Variants in NLRP6 observed in about 807,000 individuals in gnomAD.
NLRP6 encodes NACHT, LRR and PYD domains-containing protein 6.
NLRP6 carries 55 observed loss-of-function variants against 70.9 expected under a neutral mutation model. That is an observed-to-expected ratio of 0.78 (90% CI 0.62 to 0.97). The LOEUF is 0.97. Ranked by LOEUF, NLRP6 falls within the 50% of genes least tolerant of loss-of-function variation. NLRP6 has a pLI of 0.00. For synonymous variants in NLRP6, 652 were observed against 581.9 expected (o/e 1.12, Z -1.73); for missense variants, 1,241 against 1,238.3 (o/e 1.00, Z -0.03).
At position 281,470 on chromosome 11, in the gene NLRP6, T is replaced by A. The variant is rs773812962; in HGVS notation, c.1736T>A (p.Val579Glu). ...GTGAAGCAGGAGGCCCTGCGGTGGG[T>A]GCAGGGACAGGGACAGGGCTGCCCC... ...ERVKQEALRW[V>E]QGQGQGCPGV... The change falls in exon 4 of 8, where the codon GTG (valine) becomes GAG (glutamate). Residue 579 changes from valine to glutamate, a missense_variant. Physicochemically the swap from Val to Glu is moderately radical, Grantham distance 121. Coordinates refer to ENST00000534750, the MANE Select transcript of NLRP6 (RefSeq NM_001276700.2). The A allele has an allele frequency of 6.3e-6, 10 of 1,598,250 alleles. No individual in the cohort carries two copies. The highest frequency in any genetic ancestry group is 8.5e-6 in the Non-Finnish European group (10 of 1,171,110).
At chr11:284,981 C>T (rs960898669) in intron 7 of NLRP6, among the ~76,000 whole-genome samples, 185 bp from the exon 8 acceptor site, 3 of 152,136 alleles carry the variant, frequency 2.0e-5, no homozygotes, top group East Asian at 3.9e-4. Context: ...TCTCAACTGA[C>T]ACCACCTGTC....
chr11:283,743 C>G (rs145927304), intron 5 of NLRP6, among the ~76,000 whole-genome samples: 1 of 151,930 alleles, frequency 6.6e-6, no homozygotes, highest in African/African-American at 2.4e-5. Context: ...GATGGCAACT[C>G]GGCAAATTAG....
rs749694607 is a variant in NLRP6, at chr11:280,924, T to A, written c.1190T>A (p.Val397Glu). 9.9e-6 allele frequency: 16 copies of A among 1,613,280 alleles called. No individual in the cohort carries two copies. The Middle Eastern group carries it at 1.6e-3, about 166-fold the overall frequency. Residue 397 changes from valine (V) to glutamate (E), a missense_variant, in exon 4 of 8, where the codon GTG becomes GAG. By Grantham distance (121) the Val-to-Glu change is moderately radical (BLOSUM62 -2). Transcript: ENST00000534750. Reference protein sequence around the residue: ...VPFVCWIVCTVLRQQLELGRD... With the variant: ...VPFVCWIVCTELRQQLELGRD... ...TTCGTGTGCTGGATCGTGTGCACCG[T>A]GCTGCGCCAGCAGCTGGAGCTCGGT...
At chr11:279,910 C>T (rs764184179) in intron 3 of NLRP6, 38 bp downstream of exon 3, 4 of 1,490,768 alleles carry the variant, frequency 2.7e-6, no homozygotes, top group Non-Finnish European at 2.7e-6. Context: ...TGTCCCCAAC[C>T]CCACTTGGAG....
chr11:285,120 C>T (rs1222967770), intron 7 of NLRP6, 46 bp from the exon 8 acceptor site: 1 of 1,550,492 alleles, frequency 6.4e-7, no homozygotes, highest in Non-Finnish European at 8.7e-7. Context: ...GCCCTGGCTG[C>T]TTTCCCCCAC....
At position 282,734 on chromosome 11, in the gene NLRP6, C is replaced by T. The variant is rs966612159; in HGVS notation, c.2135C>T (p.Ala712Val). 1.7e-5 allele frequency: 27 copies of T among 1,614,130 alleles called. No individual in the cohort carries two copies. The highest frequency in any genetic ancestry group is 3.3e-4 in the Middle Eastern group (2 of 6,062). ...SSQGTTKQLP[A>V]SLLHPLFQAM... is the part of the protein sequence containing the mutation. Reference sequence around the variant, plus strand: ...CAAGGCACCACAAAACAACTGCCAGCCTCCCTTCTTCATCCACTCTTTCAG... The same window carrying T: ...CAAGGCACCACAAAACAACTGCCAGTCTCCCTTCTTCATCCACTCTTTCAG... Residue 712 changes from alanine to valine, a missense_variant, in exon 5 of 8, where the codon GCC becomes GTC. Transcript: ENST00000534750.
chr11:283,512 A>G (rs1230565882), intron 5 of NLRP6, among the ~76,000 whole-genome samples: 1 of 151,640 alleles, frequency 6.6e-6, no homozygotes, highest in Non-Finnish European at 1.5e-5. Flanking sequence ...ACAGGGTTTC[A>G]CCGGGTTAGC....
At position 281,593 on chromosome 11, in the gene NLRP6, A is replaced by T. The variant is rs1379296182; in HGVS notation, c.1859A>T (p.Glu620Val). The T allele has an allele frequency of 6.2e-7, 1 of 1,611,512 alleles. No individual in the cohort carries two copies. The highest frequency in any genetic ancestry group is 1.7e-5 in the Admixed American group (1 of 59,908). ...EEGEEPNYPL[E>V]LLYCLYETQE... ...GGAGAGGAGCCCAACTACCCACTGG[A>T]GTTGCTGTACTGCCTGTACGAGACG... Residue 620 changes from glutamate to valine, a missense_variant, in exon 4 of 8, where the codon GAG becomes GTG. By Grantham distance (121) the Glu-to-Val change is moderately radical. Coordinates refer to ENST00000534750, the MANE Select transcript of NLRP6 (RefSeq NM_001276700.2).
At position 284,477 on chromosome 11, in the gene NLRP6, T is replaced by C. The variant is rs74044411; in HGVS notation, c.2372T>C (p.Val791Ala). 0.011 allele frequency: 18,076 copies of C among 1,612,508 alleles called. 1,621 individuals carry two copies. The African/African-American group carries it at 0.2, about 18-fold the overall frequency. The change falls in exon 7 of 8, where the codon GTA becomes GCA. Residue 791 changes from valine (V) to alanine (A), a missense_variant and splice_region_variant. Physicochemically the swap from Val to Ala is moderately conservative, Grantham distance 64. Coordinates refer to ENST00000534750, the MANE Select transcript of NLRP6 (RefSeq NM_001276700.2). ...WPQCRVQTVRVQLPDPQRGLQ... is the reference protein window; with the variant it reads ...WPQCRVQTVRAQLPDPQRGLQ... Reference sequence around the variant, plus strand: ...TCCTGAGGTCGGCCCTCCCACAGGGTACAGCTGCCTGACCCCCAGCGAGGG... The same window carrying C: ...TCCTGAGGTCGGCCCTCCCACAGGGCACAGCTGCCTGACCCCCAGCGAGGG...
chr11:283,507 G>A (rs1328666352), intron 5 of NLRP6, among the ~76,000 whole-genome samples: 1 of 151,804 alleles, frequency 6.6e-6, no homozygotes, highest in Non-Finnish European at 1.5e-5. Flanking sequence ...TAGAGACAGG[G>A]TTTCACCGGG....
Position 278,675 on chromosome 11 carries a change from T to C in NLRP6, c.29+77T>C. On this transcript the variant is annotated intron_variant, in intron 1 of 7. Transcript: ENST00000534750. This position sits in a 1 kb window ranked among gnomAD's most constrained non-coding sequence, Gnocchi z 4.7. ...TGGGGCCTCCACCTCACCCGCTGACTTCCTCAGGCTCTCCACCCTTGTCCA... is the reference window on the plus strand; with the variant it reads ...TGGGGCCTCCACCTCACCCGCTGACCTCCTCAGGCTCTCCACCCTTGTCCA... 8.5e-7 allele frequency: 1 copy of C among 1,179,768 alleles called. No homozygotes were observed. The highest frequency in any genetic ancestry group is 1.6e-5 in the African/African-American group (1 of 63,610). 73.1% of individuals were successfully genotyped at this position (1,179,768 alleles called of 1,614,324 possible). A position where few individuals can be genotyped will look rare whatever the true frequency, so the allele number is the denominator to read the frequency against.
In NLRP6 at chr11:279,530, TG is replaced by T; in HGVS notation, c.235del (p.Glu79ArgfsTer55). 1 of 1,454,034 alleles carries T rather than the reference TG, an allele frequency of 6.9e-7. No homozygotes were observed. The highest frequency in any genetic ancestry group is 9.0e-7 in the Non-Finnish European group (1 of 1,105,472). 90.1% of individuals were successfully genotyped at this position (1,454,034 alleles called of 1,614,324 possible). A position where few individuals can be genotyped will look rare whatever the true frequency, so the allele number is the denominator to read the frequency against. On this transcript the variant is annotated frameshift_variant, in exon 2 of 8. Transcript: ENST00000534750. LOFTEE classifies it high-confidence loss of function. ...CAGTTCTACGGCCCGGAGCCTGCCC[TG>T]GAGGTGGCCCGCAAGACCCTCAAGA... ...LAQFYGPEPALEVARKTLKRA... is the reference protein window; with the variant it reads ...LAQFYGPEPAXEVARKTLKRA...
In NLRP6 at chr11:285,362, G is replaced by A. The variant is rs1316848813; in HGVS notation, c.*58G>A. The A allele has an allele frequency of 7.0e-5, 109 of 1,561,946 alleles. 2 individuals carry two copies. Among genetic ancestry groups the A allele is most frequent in the Middle Eastern group, 1.7e-4 (1 of 5,946 alleles). On this transcript the variant is annotated 3_prime_UTR_variant, in exon 8 of 8. Transcript: ENST00000534750. ...TAGTCAAAGTCCCTGTGGAGAGAAC[G>A]GCCCATTCCAAGGGCAGGAGGATAT...
chr11:285,326 G>T lies in NLRP6; in HGVS notation c.*22G>T, dbSNP rs537580511. The T allele has an allele frequency of 6.2e-7, 1 of 1,603,650 alleles. No individual in the cohort carries two copies. Among genetic ancestry groups the T allele is most frequent in the East Asian group, 2.2e-5 (1 of 44,544 alleles). ...CTGAGGCTCTGGTGGCCAGAGCAGG[G>T]TGGAAGACCCTAGTCAAAGTCCCTG... is the stretch of plus-strand genomic sequence containing the variant. On this transcript the variant is annotated 3_prime_UTR_variant, in exon 8 of 8. Transcript: ENST00000534750.
intron 5 of NLRP6, 50 bp downstream of exon 5, chr11:282,847 A>C (rs1446280865): frequency 7.4e-7 from 1 of 1,344,636 alleles, no homozygotes; most frequent in South Asian, 1.2e-5. Context: ...TGAGAGCAGG[A>C]TGCCCTGGGC....
Position 281,348 on chromosome 11 carries a change from C to A in NLRP6, c.1614C>A (p.Ser538Arg). ...TGCGTGGGGACGCCCAGCCGCACAG[C>A]CACTTGGTGCTCACCACGCGCTTCC... is the stretch of plus-strand genomic sequence containing the variant. ...TLLRGDAQPH[S>R]HLVLTTRFLF... The change falls in exon 4 of 8, where the codon AGC becomes AGA. Residue 538 changes from serine (S) to arginine (R), a missense_variant. Physicochemically the swap from Ser to Arg is moderately radical, Grantham distance 110. Coordinates refer to ENST00000534750, the MANE Select transcript of NLRP6 (RefSeq NM_001276700.2). 3 of 1,610,954 alleles carry A rather than the reference C, an allele frequency of 1.9e-6. No homozygotes were observed. The highest frequency in any genetic ancestry group is 2.5e-6 in the Non-Finnish European group (3 of 1,179,208).
rs774211761 is a variant in NLRP6, at chr11:281,074, G to T, written c.1340G>T (p.Arg447Leu). ...RLQGDLRNLC[R>L]LAREGVLGRR... ...CAGGGCGACCTGCGCAATCTGTGCC[G>T]CCTGGCCCGCGAGGGCGTCCTCGGA... The change falls in exon 4 of 8, where the codon CGC (arginine) becomes CTC (leucine). Residue 447 changes from arginine (R) to leucine (L), a missense_variant. By Grantham distance (102) the Arg-to-Leu change is moderately radical. Transcript: ENST00000534750. The T allele has an allele frequency of 1.9e-6, 3 of 1,612,738 alleles. No individual in the cohort carries two copies. The highest frequency in any genetic ancestry group is 1.1e-5 in the South Asian group (1 of 91,048).
Position 280,353 on chromosome 11 carries a change from G to C in NLRP6, c.619G>C (p.Gly207Arg). Residue 207 changes from glycine (G) to arginine (R), a missense_variant, in exon 4 of 8, where the codon GGC (glycine) becomes CGC (arginine). Transcript: ENST00000534750. The part of the protein sequence containing the change: ...TVVLQGPAGI[G>R]KTMAAKKILY... Reference sequence around the variant, plus strand: ...GGTGCTGCAGGGCCCGGCGGGCATCGGCAAGACCATGGCGGCCAAAAAGAT... The same window carrying C: ...GGTGCTGCAGGGCCCGGCGGGCATCCGCAAGACCATGGCGGCCAAAAAGAT... 1.3e-6 allele frequency: 2 copies of C among 1,530,818 alleles called. No homozygotes were observed. The highest frequency in any genetic ancestry group is 1.8e-6 in the Non-Finnish European group (2 of 1,142,076). The allele number at this position is 1,530,818 out of a possible 1,614,324, so 94.8% of individuals were successfully genotyped here.
chr11:279,374 T>G lies in NLRP6; in HGVS notation c.77T>G (p.Leu26Arg). 7.6e-7 allele frequency: 1 copy of G among 1,320,030 alleles called. No individual in the cohort carries two copies. The highest frequency in any genetic ancestry group is 2.0e-5 in the South Asian group (1 of 50,924). 81.8% of individuals were successfully genotyped at this position (1,320,030 alleles called of 1,614,324 possible). The change falls in exon 2 of 8, where the codon CTG becomes CGG. Residue 26 changes from leucine (L) to arginine (R), a missense_variant. Transcript: ENST00000534750. The stretch of plus-strand genomic sequence containing the variant: ...GCCCGCGAGCTGCTCCTGGCTGCGC[T>G]GGAGGAACTGAGCCAAGAGCAGCTG... ...AVARELLLAALEELSQEQLKR... is the reference protein window; with the variant it reads ...AVARELLLAAREELSQEQLKR...
Sources: allele counts gnomAD v4.1 joint callset (sites outside exome capture counted in the v4.1 genomes callset), GRCh38; gene constraint gnomAD v4.1.1; non-coding constraint Gnocchi (gnomAD v3.1); transcripts MANE v1.5; gene names NCBI Gene and HGNC (gene_info 2026-07-23, HGNC 2026-07-21).